ANKS1B: variants seen among roughly 807,000 people sequenced by gnomAD.
The protein encoded by ANKS1B is ankyrin repeat and sterile alpha motif domain containing 1B, also known as ankyrin repeat and sterile alpha motif domain-containing protein 1B.
ANKS1B carries 36 observed loss-of-function variants against 148.3 expected under a neutral mutation model. The ratio of observed to expected loss-of-function variants is 0.24; its 90% confidence interval spans 0.19 to 0.32. ANKS1B has a LOEUF of 0.32. Among genes scored for constraint, ANKS1B ranks in the 10% least tolerant of loss-of-function variants. The pLI is 1.00. For missense variants in ANKS1B, 1,157 were observed against 1,542.6 expected, an observed-to-expected ratio of 0.75 and a Z score of 4.19; for synonymous variants, 542 against 560.8, an observed-to-expected ratio of 0.97 and a Z score of 0.47.
intron 9 of ANKS1B, among the ~76,000 whole-genome samples, chr12:99,594,400 G>C (rs192966279): frequency 9.7e-4 from 147 of 152,146 alleles, no homozygotes; most frequent in African/African-American, 3.4e-3. Flanking sequence ...GGAGGCACTT[G>C]CACAATCATG....
At chr12:98,846,012 G>A (rs1316479308) in intron 17 of ANKS1B, among the ~76,000 whole-genome samples, 1 of 104,778 alleles carries the variant, frequency 9.5e-6, no homozygotes, top group Non-Finnish European at 1.9e-5. Context: ...ACACATATAT[G>A]TACACATACA....
intron 8 of ANKS1B, among the ~76,000 whole-genome samples, chr12:99,740,724 G>C (rs954709036): frequency 6.6e-6 from 1 of 152,176 alleles, no homozygotes; most frequent in Non-Finnish European, 1.5e-5. Context: ...GAAATGGTTA[G>C]ACAGAGGGTG....
At chr12:99,330,477 C>T (rs2152271355) in intron 12 of ANKS1B, among the ~76,000 whole-genome samples, 1 of 152,056 alleles carries the variant, frequency 6.6e-6, no homozygotes, top group Non-Finnish European at 1.5e-5. Context: ...AGGAACCAAT[C>T]CAGCTCTGAA....
intron 9 of ANKS1B, among the ~76,000 whole-genome samples, chr12:99,622,567 C>G (rs1310813998): frequency 1.3e-5 from 2 of 151,912 alleles, no homozygotes; most frequent in Non-Finnish European, 2.9e-5. Flanking sequence ...ACTGATCCCA[C>G]AGAAATACAA....
chr12:98,932,884 T>C (rs1477237806), intron 17 of ANKS1B, among the ~76,000 whole-genome samples: 1 of 152,202 alleles, frequency 6.6e-6, no homozygotes, highest in African/African-American at 2.4e-5. Flanking sequence ...ATTATTTTAT[T>C]TACTGCCAAT....
chr12:99,903,786 G>C (rs2093682769), intron 1 of ANKS1B, among the ~76,000 whole-genome samples: 1 of 152,074 alleles, frequency 6.6e-6, no homozygotes, highest in African/African-American at 2.4e-5. Flanking sequence ...ATGTGGTGCA[G>C]TGTATACTGC....
At chr12:99,760,475 C>T (rs1317943807) in intron 8 of ANKS1B, among the ~76,000 whole-genome samples, 2 of 151,624 alleles carry the variant, frequency 1.3e-5, no homozygotes, top group Non-Finnish European at 3.0e-5. Context: ...GAAATTAAGG[C>T]AGATATCAAA....
intron 6 of ANKS1B, among the ~76,000 whole-genome samples, chr12:99,777,611 G>A (rs1023238720): frequency 5.9e-5 from 9 of 152,072 alleles, no homozygotes; most frequent in Non-Finnish European, 1.2e-4. Context: ...TTGAGACGGA[G>A]TCTCGCTCTG....
intron 4 of ANKS1B, among the ~76,000 whole-genome samples, chr12:99,798,233 C>T (rs1778485307): frequency 2.6e-5 from 4 of 151,630 alleles, no homozygotes; most frequent in South Asian, 2.1e-4. Context: ...ATTGTGGTGA[C>T]GATCAGCAGA....
At chr12:99,451,869 C>G (rs1468705526) in intron 10 of ANKS1B, among the ~76,000 whole-genome samples, 1 of 151,898 alleles carries the variant, frequency 6.6e-6, no homozygotes, top group Non-Finnish European at 1.5e-5. Flanking sequence ...TTATCTATTA[C>G]TATTATTATC....
intron 15 of ANKS1B, among the ~76,000 whole-genome samples, chr12:99,110,435 T>C (rs1242204725): frequency 1.3e-5 from 2 of 152,236 alleles, no homozygotes; most frequent in Non-Finnish European, 2.9e-5. Context: ...AAGAGTTGGA[T>C]GAAAACTGAC....
chr12:99,898,605 C>T lies in ANKS1B; in HGVS notation c.135-73216G>A, dbSNP rs75978979. Among the ~76,000 whole-genome samples, 1,072 of 152,218 alleles carry T rather than the reference C, an allele frequency of 7.0e-3. 29 individuals carry two copies. The highest frequency in any genetic ancestry group is 0.032 in the East Asian group (163 of 5,172). On this transcript the variant is annotated intron_variant, in intron 1 of 26. Transcript: ENST00000683438. ...CATCCTCCTCTTCTTCCTATTTTGG[C>T]CCTGGCTTCCATGACCCTATCTGTT...
At chr12:99,159,756 C>G (rs2076451745) in intron 14 of ANKS1B, among the ~76,000 whole-genome samples, 1 of 152,192 alleles carries the variant, frequency 6.6e-6, no homozygotes, top group African/African-American at 2.4e-5. Flanking sequence ...AGTAATGGGA[C>G]TGCTGGGTCA....
chr12:99,705,740 A>G (rs922264059), intron 8 of ANKS1B, among the ~76,000 whole-genome samples: 3 of 152,144 alleles, frequency 2.0e-5, no homozygotes, highest in African/African-American at 7.2e-5. Flanking sequence ...ATGATGGAGA[A>G]GAATTGCAAG....
chr12:99,559,874 C>T (rs1395217696), intron 9 of ANKS1B, among the ~76,000 whole-genome samples: 1 of 151,810 alleles, frequency 6.6e-6, no homozygotes, highest in African/African-American at 2.4e-5. Flanking sequence ...AGATAATATC[C>T]AAAAAATGCA....
At chr12:99,540,466 T>C (rs545997994) in intron 9 of ANKS1B, among the ~76,000 whole-genome samples, 1 of 152,272 alleles carries the variant, frequency 6.6e-6, no homozygotes, top group Non-Finnish European at 1.5e-5. Flanking sequence ...TCATACAAGG[T>C]ATGTTCTCTG....
intron 12 of ANKS1B, among the ~76,000 whole-genome samples, chr12:99,289,191 T>A (rs946736768): frequency 2.6e-5 from 4 of 152,012 alleles, no homozygotes; most frequent in African/African-American, 9.7e-5. Flanking sequence ...TATATAACAA[T>A]AAAGGTGTCA....
intron 3 of ANKS1B, among the ~76,000 whole-genome samples, chr12:99,810,340 T>C (rs2068185013): frequency 6.6e-6 from 1 of 152,004 alleles, no homozygotes; most frequent in Non-Finnish European, 1.5e-5. Context: ...TTTTATTTCC[T>C]TTATTGTTTA....
chr12:99,123,129 G>T (rs2063387599), intron 15 of ANKS1B, among the ~76,000 whole-genome samples: 2 of 151,806 alleles, frequency 1.3e-5, no homozygotes, highest in South Asian at 4.2e-4. Context: ...GGTTTGAGGG[G>T]CAAGAAGGGA....
Sources: allele counts gnomAD v4.1 joint callset (sites outside exome capture counted in the v4.1 genomes callset), GRCh38; gene constraint gnomAD v4.1.1; transcripts MANE v1.5; gene names NCBI Gene and HGNC (gene_info 2026-07-23, HGNC 2026-07-21).